The following MEGF10 variants were observed in gnomAD, a reference collection of about 807,000 sequenced individuals.
The protein encoded by MEGF10 is multiple epidermal growth factor-like domains protein 10.
A neutral mutation model predicts 147.5 loss-of-function variants in MEGF10; 86 were observed. The observed-to-expected ratio is 0.58, with a 90% CI of 0.49 to 0.70. The LOEUF (loss-of-function observed/expected upper bound fraction) is 0.70. MEGF10 is among the 30% of genes least tolerant of loss of function. MEGF10 has a pLI of 0.00. For missense variants in MEGF10, 1,329 were observed against 1,487.3 expected (o/e 0.89, Z 1.75); for synonymous variants, 478 against 525.5 (o/e 0.91, Z 1.24).
At chr5:127,246,396 T>C in the MEGF10 span, among the ~76,000 whole-genome samples, 2 of 151,182 alleles carry the variant, frequency 1.3e-5, no homozygotes, top group African/African-American at 4.9e-5. Context: ...TAAGTGGGAG[T>C]TGAACAATGA....
intron 1 of MEGF10, among the ~76,000 whole-genome samples, chr5:127,313,448 G>A (rs1003110380): frequency 6.6e-6 from 1 of 152,126 alleles, no homozygotes; most frequent in African/African-American, 2.4e-5. Flanking sequence ...TTCAATTCTT[G>A]TGTTAATAAA....
In MEGF10 at chr5:127,460,173, T is replaced by C. The variant is rs2127054897; in HGVS notation, c.*2855T>C. 6.6e-6 allele frequency: 1 copy of C among 152,312 alleles called. No homozygotes were observed. The highest frequency in any genetic ancestry group is 1.5e-5 in the Non-Finnish European group (1 of 68,020). The allele number at this position is 152,312 out of a possible 1,614,324, so 9.4% of individuals were successfully genotyped here. On this transcript the variant is annotated 3_prime_UTR_variant, in exon 25 of 25. Coordinates refer to ENST00000503335, the MANE Select transcript of MEGF10 (RefSeq NM_001256545.2). ...AGAGATACTTAGCAAATGCCATTCA[T>C]ATAGTATTGTTAGCCAAACTATTAT...
chr5:127,243,949 C>T, the MEGF10 span, among the ~76,000 whole-genome samples: 124 of 152,134 alleles, frequency 8.2e-4, no homozygotes, highest in African/African-American at 2.8e-3. Context: ...GTAATCTCAG[C>T]GGTTTGGGAG....
chr5:127,342,823 CCT>C (rs139379138), intron 4 of MEGF10, among the ~76,000 whole-genome samples: 2,734 of 152,122 alleles, frequency 0.018, 67 homozygotes, highest in East Asian at 0.11. Flanking sequence ...ACCAACTGCC[CCT>C]GAGACTGCAA....
chr5:127,381,446 G>C (rs1264069169), intron 5 of MEGF10, among the ~76,000 whole-genome samples: 1 of 152,100 alleles, frequency 6.6e-6, no homozygotes, highest in Non-Finnish European at 1.5e-5. Flanking sequence ...TTTTCTGACT[G>C]TACCAATGTG....
At chr5:127,253,242 C>A in the MEGF10 span, among the ~76,000 whole-genome samples, 1 of 151,802 alleles carries the variant, frequency 6.6e-6, no homozygotes, top group South Asian at 2.1e-4. Flanking sequence ...ATTCTAAATT[C>A]TGGTATAGAG....
At chr5:127,250,339 A>G in the MEGF10 span, among the ~76,000 whole-genome samples, 1 of 152,066 alleles carries the variant, frequency 6.6e-6, no homozygotes, top group African/African-American at 2.4e-5. Flanking sequence ...TTATTAATAC[A>G]AGGATGACTC....
chr5:127,418,055 A>G (rs1191755484), intron 10 of MEGF10, among the ~76,000 whole-genome samples: 2 of 152,234 alleles, frequency 1.3e-5, no homozygotes, highest in Non-Finnish European at 2.9e-5. Flanking sequence ...AACACATGTC[A>G]GAAAGCATAT....
At chr5:127,341,467 G>T (rs917116010) in intron 4 of MEGF10, among the ~76,000 whole-genome samples, 1 of 152,104 alleles carries the variant, frequency 6.6e-6, no homozygotes, top group African/African-American at 2.4e-5. Context: ...AATCTGGAAA[G>T]CCCAGTGATA....
chr5:127,342,270 T>C (rs1761711232), intron 4 of MEGF10, among the ~76,000 whole-genome samples: 1 of 152,166 alleles, frequency 6.6e-6, no homozygotes, highest in Non-Finnish European at 1.5e-5. Flanking sequence ...AGGCTGGCCA[T>C]TTCCCAGAGG....
intron 5 of MEGF10, among the ~76,000 whole-genome samples, chr5:127,373,344 G>T (rs1349597798): frequency 1.3e-5 from 2 of 152,110 alleles, no homozygotes; most frequent in African/African-American, 4.8e-5. Flanking sequence ...CAGAGACGGG[G>T]TTTCACCATA....
intron 5 of MEGF10, among the ~76,000 whole-genome samples, chr5:127,394,241 G>A (rs950690711): frequency 5.5e-4 from 84 of 152,232 alleles, no homozygotes; most frequent in African/African-American, 2.0e-3. Flanking sequence ...TGGAAACTTT[G>A]GAGAGCATTC....
the MEGF10 span, among the ~76,000 whole-genome samples, chr5:127,282,691 T>A: frequency 1.3e-5 from 2 of 152,198 alleles, no homozygotes; most frequent in African/African-American, 4.8e-5. Flanking sequence ...CCCAGTGGTA[T>A]CCTCTTTTCT....
chr5:127,449,242 G>A lies in MEGF10; in HGVS notation c.2980+20G>A, dbSNP rs375755855. On this transcript the variant is annotated intron_variant, in intron 22 of 24. Transcript: ENST00000503335. ...AGCTCGGTGAGTTCTCCCAACGCAC[G>A]TCCCCAGAAGCACCTTGACCTGTCA... 5.8e-5 allele frequency: 93 copies of A among 1,612,254 alleles called. No individual in the cohort carries two copies. Among genetic ancestry groups the A allele is most frequent in the Non-Finnish European group, 6.0e-5 (71 of 1,179,526 alleles).
At chr5:127,427,769 TA>T (rs1254291590) in intron 13 of MEGF10, among the ~76,000 whole-genome samples, 1 of 152,232 alleles carries the variant, frequency 6.6e-6, no homozygotes, top group East Asian at 1.9e-4. Context: ...AGGGGAGACC[TA>T]CCTTCCTTTG....
chr5:127,390,834 T>A (rs1763622269), intron 5 of MEGF10, among the ~76,000 whole-genome samples: 1 of 152,078 alleles, frequency 6.6e-6, no homozygotes, highest in Admixed American at 6.5e-5. Flanking sequence ...GAACACGGAC[T>A]CTGGAGGCAG....
At chr5:127,273,662 G>C in the MEGF10 span, among the ~76,000 whole-genome samples, 121 of 152,286 alleles carry the variant, frequency 7.9e-4, no homozygotes, top group African/African-American at 2.7e-3. Flanking sequence ...TAAACAGATG[G>C]CCTTTACTTC....
intron 22 of MEGF10, among the ~76,000 whole-genome samples, chr5:127,453,125 C>T (rs983162696): frequency 1.3e-5 from 2 of 152,188 alleles, no homozygotes; most frequent in Non-Finnish European, 1.5e-5. Context: ...GCAAGGATAT[C>T]GTTTCCTTAA....
chr5:127,353,565 T>C (rs1419095320), intron 4 of MEGF10, among the ~76,000 whole-genome samples: 1 of 152,182 alleles, frequency 6.6e-6, no homozygotes, highest in Non-Finnish European at 1.5e-5. Flanking sequence ...AGCGAATCAT[T>C]GTAAGCAGCG....
Sources: allele counts gnomAD v4.1 joint callset (sites outside exome capture counted in the v4.1 genomes callset), GRCh38; gene constraint gnomAD v4.1.1; transcripts MANE v1.5; gene names NCBI Gene and HGNC (gene_info 2026-07-23, HGNC 2026-07-21).